Variants in NELL1 observed in about 807,000 individuals in gnomAD.
NELL1 encodes protein kinase C-binding protein NELL1.
In NELL1, 76 loss-of-function variants were observed where a neutral mutation model predicts 107.4. The observed-to-expected ratio is 0.71, with a 90% CI of 0.59 to 0.86. The LOEUF is 0.86. Ranked by LOEUF, NELL1 falls within the 40% of genes least tolerant of loss-of-function variation. NELL1 has a pLI of 0.00. For missense variants in NELL1, 1,024 were observed against 1,005.5 expected (o/e 1.02, Z -0.25); for synonymous variants, 353 against 341.2 (o/e 1.03, Z -0.38).
intron 2 of NELL1, among the ~76,000 whole-genome samples, chr11:20,734,136 G>T (rs938520238): frequency 1.2e-4 from 19 of 152,128 alleles, no homozygotes; most frequent in Admixed American, 3.3e-4. Context: ...AAGTATGAAG[G>T]CTCCAAGCTT....
chr11:20,717,472 T>A (rs1855279626), intron 2 of NELL1, among the ~76,000 whole-genome samples: 1 of 152,124 alleles, frequency 6.6e-6, no homozygotes, highest in African/African-American at 2.4e-5. Flanking sequence ...CAAGGAACTT[T>A]ACAACAAAAG....
At chr11:21,049,399 T>C (rs1853436491) in intron 12 of NELL1, among the ~76,000 whole-genome samples, 2 of 152,206 alleles carry the variant, frequency 1.3e-5, no homozygotes, top group African/African-American at 4.8e-5. Context: ...AAACTTCTCC[T>C]GAGCAGCCAC....
intron 14 of NELL1, among the ~76,000 whole-genome samples, chr11:21,235,371 G>A (rs1174132180): frequency 6.6e-6 from 1 of 152,098 alleles, no homozygotes; most frequent in African/African-American, 2.4e-5. Context: ...ACCCCACATA[G>A]GATTGATTTA....
intron 16 of NELL1, among the ~76,000 whole-genome samples, chr11:21,544,309 A>C (rs1856375043): frequency 6.6e-6 from 1 of 152,022 alleles, no homozygotes; most frequent in Non-Finnish European, 1.5e-5. Context: ...GAAAATTTAT[A>C]CCATAGGGAC....
At chr11:20,916,128 C>T (rs1850250586) in intron 5 of NELL1, among the ~76,000 whole-genome samples, 2 of 151,846 alleles carry the variant, frequency 1.3e-5, no homozygotes, top group African/African-American at 4.8e-5. Flanking sequence ...TATGACCTTT[C>T]CTTATAAAAA....
chr11:20,883,293 T>C (rs1849444532), intron 4 of NELL1, among the ~76,000 whole-genome samples: 1 of 152,354 alleles, frequency 6.6e-6, no homozygotes, highest in African/African-American at 2.4e-5. Flanking sequence ...CTTCTTCAAC[T>C]ATTTCTAAGG....
At chr11:21,116,350 T>C (rs1195431312) in intron 13 of NELL1, among the ~76,000 whole-genome samples, 1 of 151,972 alleles carries the variant, frequency 6.6e-6, no homozygotes, top group Non-Finnish European at 1.5e-5. Context: ...CTGGTCCCCT[T>C]CCCCTGTTTA....
chr11:21,230,583 C>G (rs753725158), intron 14 of NELL1, among the ~76,000 whole-genome samples: 1 of 152,172 alleles, frequency 6.6e-6, no homozygotes, highest in Non-Finnish European at 1.5e-5. Context: ...GATTGAGACA[C>G]AGAGAGGTTA....
chr11:20,736,409 T>C (rs16906710), intron 2 of NELL1, among the ~76,000 whole-genome samples: 25,299 of 152,052 alleles, frequency 0.17, 2,492 homozygotes, highest in African/African-American at 0.26. Flanking sequence ...CATAGATGCC[T>C]ACGCTGCCCT....
intron 15 of NELL1, among the ~76,000 whole-genome samples, chr11:21,456,288 T>G (rs1590946394): frequency 6.6e-6 from 1 of 152,128 alleles, no homozygotes; most frequent in African/African-American, 2.4e-5. Flanking sequence ...TCTCTTTGCT[T>G]CATTGTGGTC....
At chr11:21,138,779 A>T (rs2133768664) in intron 13 of NELL1, among the ~76,000 whole-genome samples, 1 of 152,316 alleles carries the variant, frequency 6.6e-6, no homozygotes, top group Non-Finnish European at 1.5e-5. Flanking sequence ...TTAATTAGGA[A>T]GAATGATAGT....
At chr11:20,827,603 G>A (rs1438272725) in intron 3 of NELL1, among the ~76,000 whole-genome samples, 2 of 151,110 alleles carry the variant, frequency 1.3e-5, no homozygotes, top group Admixed American at 1.3e-4. Flanking sequence ...CCAGAAAGAG[G>A]ATTGCATGTA....
At chr11:21,384,895 A>C (rs1394791333) in intron 15 of NELL1, among the ~76,000 whole-genome samples, 1 of 151,914 alleles carries the variant, frequency 6.6e-6, no homozygotes, top group African/African-American at 2.4e-5. Flanking sequence ...TTCATAAAAC[A>C]TGTCAGTTAT....
chr11:20,818,436 G>T, intron 3 of NELL1, among the ~76,000 whole-genome samples: 2 of 118,980 alleles, frequency 1.7e-5, no homozygotes, highest in Admixed American at 1.0e-4. Flanking sequence ...TTTTGTCTTC[G>T]GAATCAGGAA....
At chr11:21,163,075 G>A (rs576808157) in intron 13 of NELL1, among the ~76,000 whole-genome samples, 6 of 152,318 alleles carry the variant, frequency 3.9e-5, no homozygotes, top group African/African-American at 1.4e-4. Flanking sequence ...CGATGCCTGA[G>A]TTTTGAACAA....
At chr11:20,799,742 CTGCATGA>C (rs886581278) in intron 3 of NELL1, among the ~76,000 whole-genome samples, 1 of 152,144 alleles carries the variant, frequency 6.6e-6, no homozygotes, top group African/African-American at 2.4e-5. Flanking sequence ...CACTGTTATA[CTGCATGA>C]TGCTGAGGGA....
rs76441733 is a variant in NELL1, at chr11:21,508,856, G to C, written c.1646-25518G>C. Among the ~76,000 whole-genome samples the C allele has an allele frequency of 8.2e-3, 1,246 of 152,052 alleles. 13 individuals are homozygous for C. The highest frequency in any genetic ancestry group is 0.013 in the Admixed American group (191 of 15,274). On this transcript the variant is annotated intron_variant, in intron 15 of 19. Transcript: ENST00000357134. The stretch of plus-strand genomic sequence containing the variant: ...ACACCTATATCAAGCATCATATTTA[G>C]TTAAATAAAGGCTTAATCTATAACT...
chr11:21,292,130 C>G (rs1849278383), intron 14 of NELL1, among the ~76,000 whole-genome samples: 1 of 152,114 alleles, frequency 6.6e-6, no homozygotes, highest in African/African-American at 2.4e-5. Flanking sequence ...GAGAGGAAGT[C>G]AAATTGTCTC....
At chr11:21,168,950 T>C (rs1461397857) in intron 13 of NELL1, among the ~76,000 whole-genome samples, 2 of 151,946 alleles carry the variant, frequency 1.3e-5, no homozygotes, top group Non-Finnish European at 2.9e-5. Context: ...TCCTAATTAT[T>C]TGTCAGTGCA....
Sources: allele counts gnomAD v4.1 joint callset (sites outside exome capture counted in the v4.1 genomes callset), GRCh38; gene constraint gnomAD v4.1.1; transcripts MANE v1.5; gene names NCBI Gene and HGNC (gene_info 2026-07-23, HGNC 2026-07-21).